The following DOK7 variants were observed in gnomAD, a reference collection of about 807,000 sequenced individuals.
The protein encoded by DOK7 is docking protein 7, also known as protein Dok-7.
A neutral mutation model predicts 30.7 loss-of-function variants in DOK7; 32 were observed. The ratio of observed to expected loss-of-function variants is 1.04; its 90% confidence interval spans 0.79 to 1.40. DOK7 has a LOEUF of 1.40. Among genes scored for constraint, DOK7 ranks in the 40% most tolerant of loss-of-function variants. The pLI is 0.00. For missense variants in DOK7, 1,007 were observed against 699.2 expected, an observed-to-expected ratio of 1.44 and a Z score of -4.97; for synonymous variants, 447 against 324.1, an observed-to-expected ratio of 1.38 and a Z score of -4.07.
At chr4:3,489,626 A>G in intron 5 of DOK7, 51 bp from the exon 6 acceptor site, 2 of 1,555,440 alleles carry the variant, frequency 1.3e-6, no homozygotes, top group Non-Finnish European at 1.7e-6. Flanking sequence ...CCTGCGGGCG[A>G]GGGTGGGCGG....
At position 3,493,631 on chromosome 4, in the gene DOK7, G is replaced by T; in HGVS notation, c.*130G>T. 1.3e-6 allele frequency: 2 copies of T among 1,490,194 alleles called. No homozygotes were observed. The highest frequency in any genetic ancestry group is 4.6e-5 in the Admixed American group (2 of 43,448). The allele number at this position is 1,490,194 out of a possible 1,614,324, so 92.3% of individuals were successfully genotyped here. A position where few individuals can be genotyped will look rare whatever the true frequency, so the allele number is the denominator to read the frequency against. On this transcript the variant is annotated 3_prime_UTR_variant, in exon 7 of 7. Transcript: ENST00000340083. ...GGAGGGACCGGGGGTCTCCCGGAGAGGGGAGCTGGAGGGCGCGCCCTGTGG... is the reference window on the plus strand; with the variant it reads ...GGAGGGACCGGGGGTCTCCCGGAGATGGGAGCTGGAGGGCGCGCCCTGTGG...
At chr4:3,490,900 C>T (rs1227291576) in intron 6 of DOK7, among the ~76,000 whole-genome samples, 3 of 121,832 alleles carry the variant, frequency 2.5e-5, no homozygotes, top group African/African-American at 6.5e-5. Context: ...TAATTTCTTC[C>T]TTCTCTCCTC....
At chr4:3,486,880 C>T (rs1008248804) in intron 5 of DOK7, among the ~76,000 whole-genome samples, 1 of 152,092 alleles carries the variant, frequency 6.6e-6, no homozygotes, top group Non-Finnish European at 1.5e-5. Context: ...CAGCAGGAGG[C>T]TGAGCAGGGC....
Position 3,467,841 on chromosome 4 carries a change from C to T in DOK7, c.100+4290C>T, listed in dbSNP as rs530834054. Among the ~76,000 whole-genome samples, 7 of 152,256 alleles carry T rather than the reference C, an allele frequency of 4.6e-5. No individual in the cohort carries two copies. The Middle Eastern group carries it at 0.01, about 222-fold the overall frequency. On this transcript the variant is annotated intron_variant, in intron 2 of 6. Coordinates refer to ENST00000340083, the MANE Select transcript of DOK7 (RefSeq NM_173660.5). ...CGCGTCCTGGGTGTCTCGTGAGGAC[C>T]ATGTCCTGCTGCATAGGTGGCGCTT...
At chr4:3,490,521 A>AC (rs1326379577) in intron 6 of DOK7, among the ~76,000 whole-genome samples, 21 of 20,454 alleles carry the variant, frequency 1.0e-3, no homozygotes, top group South Asian at 4.6e-3. Flanking sequence ...TCTTTCCTTC[A>AC]CCCCCCCGCT....
chr4:3,496,554 G>C (rs1365162476), downstream of DOK7, among the ~76,000 whole-genome samples: 2 of 152,242 alleles, frequency 1.3e-5, no homozygotes, highest in Non-Finnish European at 2.9e-5. Flanking sequence ...AGATGCCGAG[G>C]CCTCCAGCTC....
intron 4 of DOK7, among the ~76,000 whole-genome samples, chr4:3,482,233 C>T (rs1277228238): frequency 1.3e-5 from 2 of 152,234 alleles, no homozygotes; most frequent in African/African-American, 2.4e-5. Flanking sequence ...CGGCTGTTCC[C>T]TGGCTGGCAA....
chr4:3,473,336 C>G, intron 2 of DOK7, 70 bp from the exon 3 acceptor site: 1 of 1,512,518 alleles, frequency 6.6e-7, no homozygotes, highest in South Asian at 1.2e-5. Flanking sequence ...CTGTCACGGC[C>G]TCCCCGGGGA....
intron 2 of DOK7, among the ~76,000 whole-genome samples, chr4:3,464,226 G>C (rs960483352): frequency 1.3e-5 from 2 of 152,192 alleles, no homozygotes; most frequent in Non-Finnish European, 2.9e-5. Flanking sequence ...CCCGGGTCTG[G>C]GTGGGATGCT....
intron 1 of DOK7, 21 bp downstream of exon 1, chr4:3,463,450 C>CGGGGGGGGGGGGGGGGGGGGG (rs71180187): frequency 3.7e-5 from 46 of 1,230,616 alleles, no homozygotes; most frequent in South Asian, 2.4e-4. Context: ...GTCGGGGGCG[C>CGGGGGGGGGGGGGGGGGGGGG]GGGGGGGGGG....
downstream of DOK7, among the ~76,000 whole-genome samples, chr4:3,499,078 G>A (rs1178456178): frequency 6.6e-6 from 1 of 152,260 alleles, no homozygotes; most frequent in African/African-American, 2.4e-5. Context: ...CAGGCAGAGT[G>A]GATGTCTGCG....
intron 4 of DOK7, among the ~76,000 whole-genome samples, chr4:3,483,378 G>A (rs1215002837): frequency 2.0e-5 from 3 of 152,140 alleles, no homozygotes; most frequent in South Asian, 2.1e-4. Flanking sequence ...GAGGCCCAGC[G>A]AGAGCCTAGT....
chr4:3,467,539 T>C lies in DOK7; in HGVS notation c.100+3988T>C, dbSNP rs1276483632. On this transcript the variant is annotated intron_variant, in intron 2 of 6. Transcript: ENST00000340083. The stretch of plus-strand genomic sequence containing the variant: ...GTTTCCCTGTGGCTGTGGAGGTGAA[T>C]GCAGGGGGAGCGTGTGTGCACGTGC... Among the ~76,000 whole-genome samples the C allele has an allele frequency of 2.8e-5, 4 of 143,512 alleles. No homozygotes were observed. In the East Asian group the frequency reaches 8.5e-4, roughly 30 times the overall value. 94.1% of individuals were successfully genotyped at this position (143,512 alleles called of 152,430 possible).
At chr4:3,464,697 C>T (rs960501988) in intron 2 of DOK7, among the ~76,000 whole-genome samples, 11 of 152,278 alleles carry the variant, frequency 7.2e-5, no homozygotes, top group South Asian at 2.1e-4. Flanking sequence ...CCAGAGAGGC[C>T]GCATCCCAGG....
At chr4:3,477,655 TG>T (rs1172145834) in intron 4 of DOK7, among the ~76,000 whole-genome samples, 1 of 152,122 alleles carries the variant, frequency 6.6e-6, no homozygotes, top group Admixed American at 6.5e-5. Context: ...CTCCACGGAC[TG>T]GGGGCGTACA....
chr4:3,485,498 C>T (rs772667190), intron 4 of DOK7, 41 bp from the exon 5 acceptor site: 1 of 1,496,920 alleles, frequency 6.7e-7, no homozygotes, highest in South Asian at 1.3e-5. Context: ...CCCCAGCCCG[C>T]CCTCGGGCCA....
At chr4:3,490,956 C>T (rs1192958933) in intron 6 of DOK7, among the ~76,000 whole-genome samples, 1 of 131,272 alleles carries the variant, frequency 7.6e-6, no homozygotes, top group African/African-American at 2.9e-5. Context: ...CATTCCTTCT[C>T]CCCCTGCTCA....
chr4:3,496,016 G>A (rs1002216007), downstream of DOK7, among the ~76,000 whole-genome samples: 25 of 152,272 alleles, frequency 1.6e-4, no homozygotes, highest in African/African-American at 5.1e-4. Flanking sequence ...CCCCACCCAC[G>A]AGGCCCCTCA....
chr4:3,496,208 G>C (rs887828094), downstream of DOK7, among the ~76,000 whole-genome samples: 1 of 152,368 alleles, frequency 6.6e-6, no homozygotes, highest in South Asian at 2.1e-4. Flanking sequence ...GCTCCTCCAG[G>C]GACTTGGGGC....
Sources: gnomAD v4.1 joint callset for allele counts (sites outside exome capture counted in the v4.1 genomes callset) on GRCh38, gnomAD v4.1.1 for gene constraint, MANE v1.5 for transcripts, NCBI Gene and HGNC (gene_info 2026-07-23, HGNC 2026-07-21) for gene names.